Variants in PTPRT observed in about 807,000 individuals in gnomAD.
The protein encoded by PTPRT is receptor-type tyrosine-protein phosphatase T.
In PTPRT, 56 loss-of-function variants were observed where a neutral mutation model predicts 176.8. The ratio of observed to expected loss-of-function variants is 0.32; its 90% CI spans 0.26 to 0.40. The LOEUF (loss-of-function observed/expected upper bound fraction) is 0.40, where lower values mean the gene tolerates loss of function less well. PTPRT is among the 10% of genes least tolerant of loss of function. The probability of loss-of-function intolerance (pLI) is 1.00; values close to 1 mark genes in which losing one functional copy is unlikely to be tolerated. For synonymous variants in PTPRT, 783 were observed against 739.0 expected (o/e 1.06, Z -0.96); for missense variants, 1,540 against 1,908.2 (o/e 0.81, Z 3.60).
At chr20:42,697,302 T>A (rs4810365) in intron 6 of PTPRT, among the ~76,000 whole-genome samples, 55,959 of 151,858 alleles carry the variant, frequency 0.37, 11,391 homozygotes, top group African/African-American at 0.55. Flanking sequence ...TGAAGGACAC[T>A]GTCAAAGGAG....
intron 7 of PTPRT, among the ~76,000 whole-genome samples, chr20:42,516,578 G>A (rs1486187719): frequency 6.6e-6 from 1 of 152,104 alleles, no homozygotes; most frequent in Non-Finnish European, 1.5e-5. Context: ...ACATTTGGGG[G>A]ATATGGCTAG....
Position 43,189,065 on chromosome 20 carries a change from C to T in PTPRT, c.88+581G>A, listed in dbSNP as rs1169520533. 6.6e-6 allele frequency among the ~76,000 whole-genome samples: 1 copy of T among 152,212 alleles called. No individual in the cohort carries two copies. The highest frequency in any genetic ancestry group is 1.9e-4 in the East Asian group (1 of 5,176). On this transcript the variant is annotated intron_variant, in intron 1 of 30. Transcript: ENST00000373187. The surrounding 1 kb of genome is among the most constrained non-coding windows in gnomAD (Gnocchi z 5.0). ...GCCAGCGGGTAGGGCGGAGGTATTG[C>T]TCTCGGTCATCAACGCAAACATCCC...
chr20:42,306,878 C>G (rs2057551182), intron 12 of PTPRT, among the ~76,000 whole-genome samples: 1 of 152,124 alleles, frequency 6.6e-6, no homozygotes, highest in Non-Finnish European at 1.5e-5. Context: ...TTCCAGGAGC[C>G]TCTAGGTGTT....
intron 16 of PTPRT, among the ~76,000 whole-genome samples, chr20:42,190,511 T>C (rs1278278264): frequency 6.6e-6 from 1 of 152,182 alleles, no homozygotes; most frequent in East Asian, 1.9e-4. Context: ...TCTACTATCA[T>C]GAAAGACAGC....
chr20:42,402,055 G>T (rs1444813816), intron 9 of PTPRT, among the ~76,000 whole-genome samples: 1 of 152,094 alleles, frequency 6.6e-6, no homozygotes, highest in Non-Finnish European at 1.5e-5. Context: ...GAACTGTTAG[G>T]TGGTCTACAA....
intron 1 of PTPRT, among the ~76,000 whole-genome samples, chr20:43,046,942 G>A (rs527774559): frequency 1.3e-5 from 2 of 152,308 alleles, no homozygotes; most frequent in Admixed American, 1.3e-4. Context: ...TTTGCAGGGT[G>A]AGAATCTTTC....
At chr20:42,383,641 A>T (rs2058716882) in intron 9 of PTPRT, among the ~76,000 whole-genome samples, 1 of 152,202 alleles carries the variant, frequency 6.6e-6, no homozygotes. Context: ...TAATAGGAAA[A>T]TACAGGAATA....
At chr20:42,084,965 T>C (rs1983733452) in intron 28 of PTPRT, 120 bp from the exon 29 acceptor site, 2 of 816,588 alleles carry the variant, frequency 2.4e-6, no homozygotes, top group East Asian at 3.3e-5. Flanking sequence ...ATCTAAGCCA[T>C]GTCCTCACGG....
intron 1 of PTPRT, among the ~76,000 whole-genome samples, chr20:42,975,916 AC>A (rs1277432180): frequency 7.0e-6 from 1 of 142,350 alleles, no homozygotes; most frequent in Non-Finnish European, 1.5e-5. Context: ...AGTCCAACTT[AC>A]CCCCCCACCA....
chr20:43,038,927 A>AC (rs1986495726), intron 1 of PTPRT, among the ~76,000 whole-genome samples: 1 of 152,230 alleles, frequency 6.6e-6, no homozygotes, highest in Non-Finnish European at 1.5e-5. Flanking sequence ...GAAGGGCATA[A>AC]CACAAGCGAT....
At chr20:42,744,731 TC>T (rs1254990734) in intron 6 of PTPRT, among the ~76,000 whole-genome samples, 1 of 152,214 alleles carries the variant, frequency 6.6e-6, no homozygotes, top group Admixed American at 6.5e-5. Context: ...GCGTGTTCAA[TC>T]TTTTGACTCT....
At chr20:42,869,840 T>C (rs1025586412) in intron 2 of PTPRT, among the ~76,000 whole-genome samples, 1 of 152,180 alleles carries the variant, frequency 6.6e-6, no homozygotes, top group African/African-American at 2.4e-5. Context: ...AGTGACAGTA[T>C]TACGAGTTGG....
chr20:42,901,080 C>T (rs370103965), intron 1 of PTPRT, among the ~76,000 whole-genome samples: 3 of 152,194 alleles, frequency 2.0e-5, no homozygotes, highest in African/African-American at 7.2e-5. Flanking sequence ...CTTGCCCTTT[C>T]GACCCCCACA....
intron 15 of PTPRT, 92 bp downstream of exon 15, chr20:42,236,137 G>T: frequency 8.8e-7 from 1 of 1,131,176 alleles, no homozygotes; most frequent in Non-Finnish European, 1.3e-6. Flanking sequence ...GTGAAAATGA[G>T]AAACTAACAG....
chr20:43,189,850 C>G lies in PTPRT; in HGVS notation c.-117G>C. ...CGCTGGCTGTGCGCGCGGCTGGCTC[C>G]GCTCGGGCTCCCGGAGCCGGCGCTC... On this transcript the variant is annotated 5_prime_UTR_variant, in exon 1 of 31. Transcript: ENST00000373187. The surrounding 1 kb of genome is among the most constrained non-coding windows in gnomAD (Gnocchi z 5.0). 1 of 368,674 alleles carries G rather than the reference C, an allele frequency of 2.7e-6. No homozygotes were observed. Among genetic ancestry groups the G allele is most frequent in the South Asian group, 1.0e-4 (1 of 9,814 alleles). The allele number at this position is 368,674 out of a possible 1,614,324, so 22.8% of individuals were successfully genotyped here. A position where few individuals can be genotyped will look rare whatever the true frequency, so the allele number is the denominator to read the frequency against.
At chr20:42,592,825 C>A (rs1010469911) in intron 7 of PTPRT, among the ~76,000 whole-genome samples, 5 of 152,164 alleles carry the variant, frequency 3.3e-5, no homozygotes, top group Admixed American at 6.5e-5. Flanking sequence ...CACTTTAAAT[C>A]AAGGATCTGA....
Position 42,074,902 on chromosome 20 carries a change from G to A in PTPRT, c.*5977C>T, listed in dbSNP as rs74878202. 1,221 of 398,568 alleles carry A rather than the reference G, an allele frequency of 3.1e-3. 31 individuals carry two copies. The East Asian group carries it at 0.043, about 14-fold the overall frequency. The allele number at this position is 398,568 out of a possible 1,614,324, so 24.7% of individuals were successfully genotyped here. On this transcript the variant is annotated 3_prime_UTR_variant, in exon 31 of 31. Coordinates refer to ENST00000373187, the MANE Select transcript of PTPRT (RefSeq NM_007050.6). ...TAAAAAACTAGAAGAGTCTGCTCAT[G>A]TGCACAAATATGGCTTAGATATCTC...
intron 5 of PTPRT, among the ~76,000 whole-genome samples, chr20:42,768,552 GTGTA>G (rs2077018099): frequency 6.6e-6 from 1 of 152,202 alleles, no homozygotes. Context: ...ATTGTGAACT[GTGTA>G]TCTGACAAGT....
chr20:42,472,129 T>C, intron 8 of PTPRT, 137 bp downstream of exon 8: 3 of 991,752 alleles, frequency 3.0e-6, no homozygotes, highest in South Asian at 3.4e-5. Flanking sequence ...AGTCCTTCAT[T>C]GAAGGCCTAA....
Sources: gnomAD v4.1 joint callset for allele counts (sites outside exome capture counted in the v4.1 genomes callset) on GRCh38, gnomAD v4.1.1 for gene constraint, Gnocchi (gnomAD v3.1) non-coding constraint, MANE v1.5 for transcripts, NCBI Gene and HGNC (gene_info 2026-07-23, HGNC 2026-07-21) for gene names.